PEBP4: variants seen among roughly 807,000 people sequenced by gnomAD.
The protein encoded by PEBP4 is phosphatidylethanolamine binding protein 4, also known as phosphatidylethanolamine-binding protein 4.
In PEBP4, 22 loss-of-function variants were observed where a neutral mutation model predicts 23.9. The ratio of observed to expected loss-of-function variants is 0.92; its 90% CI spans 0.66 to 1.31. The LOEUF (loss-of-function observed/expected upper bound fraction) is 1.31, where lower values mean the gene tolerates loss of function less well. Among genes scored for constraint, PEBP4 ranks in the 40% most tolerant of loss-of-function variants. The pLI, the probability that PEBP4 is intolerant of heterozygous loss-of-function variation, is 0.00. For missense variants in PEBP4, 324 were observed against 281.7 expected (o/e 1.15, Z -1.07); for synonymous variants, 112 against 99.3 (o/e 1.13, Z -0.76).
rs142491784 is a variant in PEBP4 at position 22,768,434 on chromosome 8, G to A, written c.358-41214C>T. Among the ~76,000 whole-genome samples, 1,282 of 152,196 alleles carry A rather than the reference G, an allele frequency of 8.4e-3. 13 individuals are homozygous for A. Among genetic ancestry groups the A allele is most frequent in the African/African-American group, 0.029 (1,186 of 41,526 alleles). ...GCCTGGGGTGGTTTGGGGTGCTCAC[G>A]CGAGCCCCCCACGACAGCCTCAGTG... is the stretch of plus-strand genomic sequence containing the variant. On this transcript the variant is annotated intron_variant, in intron 4 of 6. Coordinates refer to ENST00000256404, the MANE Select transcript of PEBP4 (RefSeq NM_144962.3).
intron 3 of PEBP4, among the ~76,000 whole-genome samples, chr8:22,860,116 CAAAA>C (rs61162189): frequency 2.2e-5 from 2 of 91,076 alleles, no homozygotes; most frequent in African/African-American, 4.7e-5. Context: ...GACTCCGTCT[CAAAA>C]AAAAAAAAAA....
At chr8:22,915,909 T>C (rs1365032615) in intron 3 of PEBP4, among the ~76,000 whole-genome samples, 1 of 152,164 alleles carries the variant, frequency 6.6e-6, no homozygotes, top group Non-Finnish European at 1.5e-5. Context: ...AGCTCTCTTA[T>C]AGAGAGGAGA....
At chr8:22,853,508 G>T (rs1268814632) in intron 3 of PEBP4, among the ~76,000 whole-genome samples, 1 of 152,246 alleles carries the variant, frequency 6.6e-6, no homozygotes, top group African/African-American at 2.4e-5. Context: ...GCCCTGTGAA[G>T]TAAGTAGGAA....
At chr8:22,714,834 T>C (rs1804380972) in intron 6 of PEBP4, among the ~76,000 whole-genome samples, 1 of 152,212 alleles carries the variant, frequency 6.6e-6, no homozygotes, top group South Asian at 2.1e-4. Context: ...TCCCAGAGGC[T>C]GCTGACATTT....
intron 3 of PEBP4, among the ~76,000 whole-genome samples, chr8:22,840,503 G>A (rs61016815): frequency 0.019 from 2,923 of 151,442 alleles, 69 homozygotes; most frequent in African/African-American, 0.063. Flanking sequence ...CGACCTCCCA[G>A]TGTGCTGGGA....
intron 3 of PEBP4, among the ~76,000 whole-genome samples, chr8:22,904,767 T>C (rs1167779013): frequency 6.6e-6 from 1 of 152,228 alleles, no homozygotes; most frequent in East Asian, 1.9e-4. Flanking sequence ...CGCTTAAAAA[T>C]ATATTGTGAG....
intron 4 of PEBP4, among the ~76,000 whole-genome samples, chr8:22,747,810 T>C (rs995379876): frequency 6.6e-6 from 1 of 152,142 alleles, no homozygotes; most frequent in African/African-American, 2.4e-5. Flanking sequence ...TCTTTGGCCA[T>C]AAAAGTCTCC....
intron 3 of PEBP4, among the ~76,000 whole-genome samples, chr8:22,858,534 C>G (rs536465929): frequency 6.6e-6 from 1 of 152,334 alleles, no homozygotes; most frequent in Non-Finnish European, 1.5e-5. Context: ...GGCATTCTCT[C>G]TATCCCATTC....
intron 4 of PEBP4, among the ~76,000 whole-genome samples, chr8:22,792,948 G>T (rs1275798676): frequency 6.6e-6 from 1 of 152,164 alleles, no homozygotes; most frequent in East Asian, 1.9e-4. Context: ...TCCCCACCAT[G>T]ATTGTAATAA....
intron 4 of PEBP4, among the ~76,000 whole-genome samples, chr8:22,808,558 G>A (rs1244192633): frequency 1.3e-5 from 2 of 152,244 alleles, no homozygotes; most frequent in African/African-American, 4.8e-5. Context: ...AACTGAGTGT[G>A]GCAGCAGCAC....
chr8:22,927,520 C>G (rs1809368717), intron 2 of PEBP4, 64 bp downstream of exon 2: 2 of 1,549,944 alleles, frequency 1.3e-6, no homozygotes, highest in Non-Finnish European at 1.7e-6. Flanking sequence ...GGATATACCC[C>G]TCCCTGCCAT....
chr8:22,782,138 G>A (rs1240475535), intron 4 of PEBP4, among the ~76,000 whole-genome samples: 2 of 152,342 alleles, frequency 1.3e-5, no homozygotes, highest in East Asian at 3.9e-4. Context: ...ACGGGAATGA[G>A]CATGGGTAGG....
intron 4 of PEBP4, among the ~76,000 whole-genome samples, chr8:22,787,748 G>T (rs1056368596): frequency 8.5e-5 from 13 of 152,192 alleles, no homozygotes; most frequent in African/African-American, 2.9e-4. Flanking sequence ...ATGAGTAATT[G>T]TGCGACGGTG....
intron 3 of PEBP4, among the ~76,000 whole-genome samples, chr8:22,868,064 C>A (rs1165720166): frequency 6.6e-6 from 1 of 152,274 alleles, no homozygotes; most frequent in East Asian, 1.9e-4. Context: ...TAAGTGGCTG[C>A]CGACAGAGTT....
intron 3 of PEBP4, among the ~76,000 whole-genome samples, chr8:22,901,238 T>A (rs1033058417): frequency 1.3e-5 from 2 of 152,200 alleles, no homozygotes; most frequent in African/African-American, 4.8e-5. Context: ...ACGTATTCAC[T>A]GAAGACTTGT....
intron 3 of PEBP4, among the ~76,000 whole-genome samples, chr8:22,834,910 A>C (rs1807170708): frequency 6.6e-6 from 1 of 152,192 alleles, no homozygotes; most frequent in Admixed American, 6.5e-5. Context: ...CCCAGGATTC[A>C]GCCCCTAGAC....
intron 4 of PEBP4, among the ~76,000 whole-genome samples, chr8:22,802,386 C>T (rs889110517): frequency 6.6e-6 from 1 of 152,236 alleles, no homozygotes; most frequent in Non-Finnish European, 1.5e-5. Flanking sequence ...CCCAACACGT[C>T]TCCTGCCATG....
At chr8:22,870,798 G>A (rs1807992098) in intron 3 of PEBP4, among the ~76,000 whole-genome samples, 1 of 152,094 alleles carries the variant, frequency 6.6e-6, no homozygotes, top group Non-Finnish European at 1.5e-5. Flanking sequence ...ATGGGCCACA[G>A]GTCTTTTCAA....
At chr8:22,920,098 G>A (rs191599570) in intron 3 of PEBP4, 86 bp downstream of exon 3, 21 of 1,535,630 alleles carry the variant, frequency 1.4e-5, no homozygotes, top group Non-Finnish European at 1.9e-5. Context: ...TCTGCACGCA[G>A]CTTCAAGTCA....
Sources: gnomAD v4.1 joint callset for allele counts (sites outside exome capture counted in the v4.1 genomes callset) on GRCh38, gnomAD v4.1.1 for gene constraint, MANE v1.5 for transcripts, NCBI Gene and HGNC (gene_info 2026-07-23, HGNC 2026-07-21) for gene names.